Variants in CDH13 observed in about 807,000 individuals in gnomAD.
The protein encoded by CDH13 is cadherin-13.
A neutral mutation model predicts 63.8 loss-of-function variants in CDH13; 24 were observed. That is an observed-to-expected ratio of 0.38 (90% CI 0.27 to 0.53). The LOEUF (loss-of-function observed/expected upper bound fraction) is 0.53, where lower values mean the gene tolerates loss of function less well. Ranked by LOEUF, CDH13 falls within the 20% of genes least tolerant of loss-of-function variation. CDH13 has a pLI of 0.85. For synonymous variants in CDH13, 503 were observed against 355.3 expected (o/e 1.42, Z -4.67); for missense variants, 1,049 against 903.1 (o/e 1.16, Z -2.07).
intron 1 of CDH13, among the ~76,000 whole-genome samples, chr16:82,851,434 C>CAAA (rs146083704): frequency 1.2e-3 from 96 of 79,134 alleles, no homozygotes; most frequent in Middle Eastern, 5.1e-3. Context: ...GATTTCGTCT[C>CAAA]AAAAAAAAAA....
intron 1 of CDH13, among the ~76,000 whole-genome samples, chr16:82,632,435 A>G (rs1391838526): frequency 2.0e-5 from 3 of 152,146 alleles, no homozygotes; most frequent in Non-Finnish European, 4.4e-5. Flanking sequence ...TACTGGCAGT[A>G]CTTTTGGACA....
chr16:83,011,136 G>A (rs1340659599), intron 2 of CDH13, among the ~76,000 whole-genome samples: 3 of 152,162 alleles, frequency 2.0e-5, no homozygotes. Flanking sequence ...GAGACAGCAG[G>A]ACAAAGTAGT....
At chr16:83,073,432 A>T (rs1293325941) in intron 3 of CDH13, among the ~76,000 whole-genome samples, 2 of 151,076 alleles carry the variant, frequency 1.3e-5, no homozygotes, top group African/African-American at 4.9e-5. Context: ...AGAATATTGG[A>T]ATCTTGACCT....
chr16:83,387,680 G>T (rs1284605465), intron 6 of CDH13, among the ~76,000 whole-genome samples: 1 of 152,232 alleles, frequency 6.6e-6, no homozygotes, highest in African/African-American at 2.4e-5. Flanking sequence ...CTCAGGGCAA[G>T]TCTTGGACAT....
intron 1 of CDH13, among the ~76,000 whole-genome samples, chr16:82,697,136 C>T (rs779778517): frequency 8.3e-4 from 127 of 152,164 alleles, no homozygotes; most frequent in Non-Finnish European, 1.7e-3. Flanking sequence ...AGTCCAGGTC[C>T]ACACTCAGAG....
intron 6 of CDH13, among the ~76,000 whole-genome samples, chr16:83,350,052 T>G (rs755030279): frequency 2.0e-5 from 3 of 152,196 alleles, no homozygotes; most frequent in Admixed American, 6.5e-5. Flanking sequence ...AGTCTGATAA[T>G]GAGACATAGG....
At chr16:83,739,771 A>G (rs1911888641) in intron 10 of CDH13, 1 of 152,242 alleles carries the variant, frequency 6.6e-6, no homozygotes, top group South Asian at 2.1e-4. Context: ...AATGCATGTT[A>G]AAGAAGGTTT....
At chr16:83,089,917 C>T (rs191573963) in intron 3 of CDH13, among the ~76,000 whole-genome samples, 1 of 152,116 alleles carries the variant, frequency 6.6e-6, no homozygotes, top group East Asian at 1.9e-4. Context: ...ATAACGACAT[C>T]CTAAGAGATG....
At chr16:82,950,268 A>T (rs921296676) in intron 2 of CDH13, among the ~76,000 whole-genome samples, 1 of 151,438 alleles carries the variant, frequency 6.6e-6, no homozygotes, top group Non-Finnish European at 1.5e-5. Context: ...CCCAATCTCA[A>T]CCTTCCCTTT....
intron 10 of CDH13, among the ~76,000 whole-genome samples, chr16:83,708,423 A>G (rs1045035275): frequency 6.6e-6 from 1 of 152,152 alleles, no homozygotes; most frequent in African/African-American, 2.4e-5. Context: ...TCACTTTCTT[A>G]ACTGAAATTC....
intron 7 of CDH13, among the ~76,000 whole-genome samples, chr16:83,547,331 A>G (rs1309004954): frequency 2.6e-5 from 4 of 152,204 alleles, no homozygotes; most frequent in Non-Finnish European, 5.9e-5. Flanking sequence ...TTTTAGTTTC[A>G]GAGGTACATG....
chr16:83,757,862 C>G (rs1913642353), intron 11 of CDH13, among the ~76,000 whole-genome samples: 2 of 151,862 alleles, frequency 1.3e-5, no homozygotes, highest in African/African-American at 2.4e-5. Flanking sequence ...GGCATGGTAG[C>G]TAATGCCTGT....
At chr16:83,360,405 A>G (rs560970611) in intron 6 of CDH13, among the ~76,000 whole-genome samples, 3 of 152,264 alleles carry the variant, frequency 2.0e-5, no homozygotes, top group Non-Finnish European at 4.4e-5. Context: ...AGCCTTCTAC[A>G]ATTTTAGTTG....
intron 8 of CDH13, among the ~76,000 whole-genome samples, chr16:83,624,638 G>A (rs1910118548): frequency 1.3e-5 from 2 of 152,142 alleles, no homozygotes; most frequent in Non-Finnish European, 2.9e-5. Flanking sequence ...ACCTCCTGCT[G>A]TGCTGCCTGG....
chr16:83,715,564 A>G (rs548516296), intron 10 of CDH13, among the ~76,000 whole-genome samples: 1 of 152,180 alleles, frequency 6.6e-6, no homozygotes, highest in Non-Finnish European at 1.5e-5. Flanking sequence ...CTTAAATGGT[A>G]TTTTTATCCA....
intron 1 of CDH13, among the ~76,000 whole-genome samples, chr16:82,658,596 G>C (rs1031666830): frequency 1.3e-5 from 2 of 152,166 alleles, no homozygotes; most frequent in African/African-American, 2.4e-5. Context: ...TAATCTCTCT[G>C]TGCCTCAGTT....
intron 1 of CDH13, among the ~76,000 whole-genome samples, chr16:82,750,218 C>T (rs985830166): frequency 1.3e-5 from 2 of 152,122 alleles, no homozygotes; most frequent in African/African-American, 4.8e-5. Flanking sequence ...GTGGGGGTAT[C>T]TGTGGCCAGA....
Position 83,396,193 on chromosome 16 carries a change from G to C in CDH13, c.781+51187G>C, listed in dbSNP as rs575359210. Among the ~76,000 whole-genome samples the C allele has an allele frequency of 4.1e-4, 63 of 152,216 alleles. 1 individual carries two copies. The highest frequency in any genetic ancestry group is 6.8e-3 in the Middle Eastern group (2 of 294). The stretch of plus-strand genomic sequence containing the variant: ...CCAGAATTTGTTTATCCAGTCTATC[G>C]TTGATGGGCACTTAGGTTGATTCCG... On this transcript the variant is annotated intron_variant, in intron 6 of 13. Transcript: ENST00000567109.
intron 7 of CDH13, chr16:83,508,258 G>T (rs1050323435): frequency 6.5e-6 from 1 of 154,240 alleles, no homozygotes; most frequent in African/African-American, 2.4e-5. Context: ...TCCTGTCCCC[G>T]GTTCAATAAC....
Sources: allele counts gnomAD v4.1 joint callset (sites outside exome capture counted in the v4.1 genomes callset), GRCh38; gene constraint gnomAD v4.1.1; transcripts MANE v1.5; gene names NCBI Gene and HGNC (gene_info 2026-07-23, HGNC 2026-07-21).